Variants in VMP1 observed in about 807,000 individuals in gnomAD.
The protein encoded by VMP1 is ectopic P-granules autophagy protein 3 homolog.
A neutral mutation model predicts 56.0 loss-of-function variants in VMP1; 11 were observed. That is an observed-to-expected ratio of 0.20 (90% confidence interval 0.12 to 0.32). The LOEUF (loss-of-function observed/expected upper bound fraction) is 0.32, where lower values mean the gene tolerates loss of function less well. Ranked by LOEUF, VMP1 falls within the 10% of genes least tolerant of loss-of-function variation. The pLI is 1.00. For missense variants in VMP1, 296 were observed against 490.3 expected (o/e 0.60, Z 3.74); for synonymous variants, 149 against 165.0 (o/e 0.90, Z 0.74).
intron 7 of VMP1, among the ~76,000 whole-genome samples, chr17:59,803,993 G>A (rs2037761217): frequency 6.6e-6 from 1 of 151,458 alleles, no homozygotes; most frequent in Non-Finnish European, 1.5e-5. Flanking sequence ...TTAGGTGTGT[G>A]AGTAATAGAG....
intron 9 of VMP1, among the ~76,000 whole-genome samples, chr17:59,813,067 A>G (rs2038106992): frequency 1.3e-5 from 2 of 152,190 alleles, no homozygotes; most frequent in Admixed American, 6.5e-5. Flanking sequence ...GAAACAGGAA[A>G]ACTTCGGCTG....
chr17:59,726,396 C>T (rs1045550870), intron 1 of VMP1, among the ~76,000 whole-genome samples: 15 of 151,690 alleles, frequency 9.9e-5, no homozygotes, highest in African/African-American at 2.9e-4. Context: ...TGGGTTCAAG[C>T]GATTCTCCTG....
intron 7 of VMP1, among the ~76,000 whole-genome samples, chr17:59,797,340 CAAA>C (rs769486306): frequency 7.7e-5 from 5 of 65,140 alleles, no homozygotes; most frequent in Admixed American, 1.8e-4. Context: ...GACTCTGTCT[CAAA>C]AAAAAAAAAA....
intron 5 of VMP1, among the ~76,000 whole-genome samples, chr17:59,748,373 G>T (rs2665398): frequency 6.6e-6 from 1 of 152,072 alleles, no homozygotes; most frequent in Non-Finnish European, 1.5e-5. Flanking sequence ...TTTGTTAAAA[G>T]AATAAAATCT....
At chr17:59,810,340 G>T (rs1453245092) in intron 8 of VMP1, among the ~76,000 whole-genome samples, 5 of 152,014 alleles carry the variant, frequency 3.3e-5, no homozygotes, top group African/African-American at 1.2e-4. Flanking sequence ...TTTTAGTAGA[G>T]ACAAGGTTTC....
chr17:59,712,366 TG>T (rs1426152223), intron 1 of VMP1, among the ~76,000 whole-genome samples: 1 of 152,260 alleles, frequency 6.6e-6, no homozygotes, highest in East Asian at 1.9e-4. Flanking sequence ...TGGGCCATTC[TG>T]TTAACTTTTT....
intron 5 of VMP1, among the ~76,000 whole-genome samples, chr17:59,741,326 G>T (rs1237550889): frequency 6.6e-6 from 1 of 152,144 alleles, no homozygotes; most frequent in African/African-American, 2.4e-5. Flanking sequence ...GAGCAGTTAG[G>T]ATTATCCTTA....
intron 10 of VMP1, among the ~76,000 whole-genome samples, chr17:59,833,121 C>T (rs1598463036): frequency 6.6e-6 from 1 of 152,038 alleles, no homozygotes; most frequent in Non-Finnish European, 1.5e-5. Context: ...ACCGTGTGTG[C>T]ACTTTAAATT....
chr17:59,759,096 C>G (rs2143952969), intron 5 of VMP1, among the ~76,000 whole-genome samples: 1 of 152,228 alleles, frequency 6.6e-6, no homozygotes, highest in Middle Eastern at 3.4e-3. Context: ...TCAACAACAA[C>G]AACAACAAAA....
intron 7 of VMP1, among the ~76,000 whole-genome samples, chr17:59,777,812 T>TCAAAACAAAA (rs199590116): frequency 0.026 from 3,912 of 148,514 alleles, 97 homozygotes; most frequent in East Asian, 0.079. Flanking sequence ...AGACTCCGTC[T>TCAAAACAAAA]CAAAACAAAA....
At chr17:59,782,694 AAATC>A (rs1242042290) in intron 7 of VMP1, among the ~76,000 whole-genome samples, 1 of 152,224 alleles carries the variant, frequency 6.6e-6, no homozygotes, top group African/African-American at 2.4e-5. Flanking sequence ...AAATTAAGTA[AAATC>A]AATCCGTAAC....
chr17:59,717,784 G>C (rs958086415), intron 1 of VMP1, among the ~76,000 whole-genome samples: 5 of 152,260 alleles, frequency 3.3e-5, no homozygotes, highest in African/African-American at 1.2e-4. Flanking sequence ...GCTAGGCATG[G>C]TGGTGCGTGC....
intron 8 of VMP1, among the ~76,000 whole-genome samples, chr17:59,809,661 T>C (rs1448327191): frequency 1.3e-5 from 2 of 150,268 alleles, no homozygotes; most frequent in South Asian, 2.1e-4. Context: ...CGCCCGCCAC[T>C]ACGCCCGGCT....
intron 7 of VMP1, among the ~76,000 whole-genome samples, chr17:59,807,832 CAAAAAAA>C (rs543862899): frequency 2.3e-5 from 2 of 85,686 alleles, no homozygotes; most frequent in Non-Finnish European, 4.9e-5. Flanking sequence ...AACTCCGTCT[CAAAAAAA>C]AAAAAAAAAA....
chr17:59,833,597 A>G (rs1368642958), intron 10 of VMP1, among the ~76,000 whole-genome samples: 3 of 152,216 alleles, frequency 2.0e-5, no homozygotes, highest in Non-Finnish European at 4.4e-5. Flanking sequence ...AGAGACACAT[A>G]ACAAATTGGT....
chr17:59,763,829 C>T (rs2036141671), intron 5 of VMP1, among the ~76,000 whole-genome samples: 1 of 152,154 alleles, frequency 6.6e-6, no homozygotes, highest in Non-Finnish European at 1.5e-5. Context: ...TTCAGAAATA[C>T]TTGCACAATA....
chr17:59,813,377 A>T (rs1186254299), intron 9 of VMP1, among the ~76,000 whole-genome samples: 2 of 152,166 alleles, frequency 1.3e-5, no homozygotes, highest in African/African-American at 2.4e-5. Context: ...CGGAAGTTCC[A>T]GACCAGCCTG....
At chr17:59,731,091 ATTTGG>A (rs2034805836) in intron 1 of VMP1, among the ~76,000 whole-genome samples, 1 of 152,216 alleles carries the variant, frequency 6.6e-6, no homozygotes, top group Admixed American at 6.5e-5. Context: ...GTGTGTTAAC[ATTTGG>A]AGTTACTAGT....
intron 5 of VMP1, among the ~76,000 whole-genome samples, chr17:59,743,489 G>A (rs1471280976): frequency 2.6e-5 from 4 of 151,168 alleles, no homozygotes; most frequent in Admixed American, 6.6e-5. Context: ...TGTACCACCC[G>A]TTTGTGTATC....
Sources: allele counts gnomAD v4.1 joint callset (sites outside exome capture counted in the v4.1 genomes callset), GRCh38; gene constraint gnomAD v4.1.1; transcripts MANE v1.5; gene names NCBI Gene and HGNC (gene_info 2026-07-23, HGNC 2026-07-21).